The following MUC5AC variants were observed in gnomAD, a reference collection of about 807,000 sequenced individuals.
MUC5AC encodes mucin-5AC.
MUC5AC carries 158 observed loss-of-function variants against 169.7 expected under a neutral mutation model. That is an observed-to-expected ratio of 0.93 (90% CI 0.82 to 1.06). The LOEUF (loss-of-function observed/expected upper bound fraction) is 1.06, where lower values mean the gene tolerates loss of function less well. Ranked by LOEUF, MUC5AC falls within the 50% of genes least tolerant of loss-of-function variation. The pLI is 0.00. For synonymous variants in MUC5AC, 1,975 were observed against 1,237.0 expected, an observed-to-expected ratio of 1.60 and a Z score of -12.52; for missense variants, 4,359 against 3,089.9, an observed-to-expected ratio of 1.41 and a Z score of -9.74.
At position 1,189,930 on chromosome 11, in the gene MUC5AC, T is replaced by C; in HGVS notation, c.11785T>C (p.Ser3929Pro). 4 of 764,986 alleles carry C rather than the reference T, an allele frequency of 5.2e-6. No individual in the cohort carries two copies. Among genetic ancestry groups the C allele is most frequent in the Admixed American group, 1.7e-5 (1 of 59,008 alleles). The allele number at this position is 764,986 out of a possible 1,614,324, so 47.4% of individuals were successfully genotyped here. ...CCCCGTTCCCACCACCAGCACAGCC[T>C]CTGTTTCAAAGACCAGCACAAGCCA... ...PSPVPTTSTA[S>P]VSKTSTSHVS... The change falls in exon 31 of 49, where the codon TCT (serine) becomes CCT (proline). Residue 3929 changes from serine to proline, a missense_variant. Ser to Pro is a moderately conservative substitution (Grantham distance 74). Coordinates refer to ENST00000621226, the MANE Select transcript of MUC5AC (RefSeq NM_001304359.2).
intron 12 of MUC5AC, 127 bp from the exon 13 acceptor site, chr11:1,168,356 C>T: frequency 2.2e-6 from 2 of 889,804 alleles, no homozygotes; most frequent in Middle Eastern, 2.8e-4. Context: ...AGCACAAGGC[C>T]ACCTTGTAGG....
Position 1,191,144 on chromosome 11 carries a change from T to C in MUC5AC, c.12999T>C (p.Pro4333=), listed in dbSNP as rs1861086372. ...PVPTTSTTSA[P]ITSTTSGPGS... is the part of the protein sequence containing the mutation. ...CCACCACCAGCACAACCTCTGCTCC[T>C]ATAACCAGCACAACCTCTGGTCCTG... Residue 4333 remains proline, a synonymous_variant, in exon 31 of 49, where the codon CCT becomes CCC. Coordinates refer to ENST00000621226, the MANE Select transcript of MUC5AC (RefSeq NM_001304359.2). The C allele has an allele frequency of 1.4e-6, 1 of 698,480 alleles. No homozygotes were observed. Among genetic ancestry groups the C allele is most frequent in the South Asian group, 1.5e-5 (1 of 65,584 alleles). The allele number at this position is 698,480 out of a possible 1,614,324, so 43.3% of individuals were successfully genotyped here.
intron 11 of MUC5AC, among the ~76,000 whole-genome samples, chr11:1,166,495 T>C (rs1860338737): frequency 7.7e-6 from 1 of 130,686 alleles, no homozygotes; most frequent in African/African-American, 3.1e-5. Context: ...CTCTCCACGA[T>C]GAGACCCTGC....
Position 1,176,593 on chromosome 11 carries a change from A to C in MUC5AC, c.2582A>C (p.Glu861Ala), listed in dbSNP as rs958373646. The change falls in exon 21 of 49, where the codon GAG becomes GCG. Residue 861 changes from glutamate to alanine, a missense_variant. Glu to Ala is a moderately radical substitution (Grantham distance 107). Coordinates refer to ENST00000621226, the MANE Select transcript of MUC5AC (RefSeq NM_001304359.2). Reference sequence around the variant, plus strand: ...GGCGAGGGCGGCTGCATCACTGCGGAGGACTGCCCCTGCGTGCACAATGAG... The same window carrying C: ...GGCGAGGGCGGCTGCATCACTGCGGCGGACTGCCCCTGCGTGCACAATGAG... ...ADGEGGCITA[E>A]DCPCVHNEAS... is the part of the protein sequence containing the mutation. 1.3e-5 allele frequency: 5 copies of C among 399,480 alleles called. No individual in the cohort carries two copies. The highest frequency in any genetic ancestry group is 2.2e-5 in the Non-Finnish European group (5 of 226,840). 24.7% of individuals were successfully genotyped at this position (399,480 alleles called of 1,614,324 possible).
Position 1,197,640 on chromosome 11 carries a change from G to T in MUC5AC, c.16033+1G>T. 1 of 707,194 alleles carries T rather than the reference G, an allele frequency of 1.4e-6. No individual in the cohort carries two copies. Among genetic ancestry groups the T allele is most frequent in the South Asian group, 1.5e-5 (1 of 67,880 alleles). The allele number at this position is 707,194 out of a possible 1,614,324, so 43.8% of individuals were successfully genotyped here. On this transcript the variant is annotated splice_donor_variant, in intron 41 of 48. Coordinates refer to ENST00000621226, the MANE Select transcript of MUC5AC (RefSeq NM_001304359.2). LOFTEE classifies it high-confidence loss of function. ...CAGTGCTGCCCCCAGTACAGCTGCG[G>T]TAAGCCCTTTGCTGGGTGAGGGGCA... is the stretch of plus-strand genomic sequence containing the variant.
At chr11:1,194,814 A>T (rs1283675529) in intron 35 of MUC5AC, 144 bp downstream of exon 35, 11 of 609,506 alleles carry the variant, frequency 1.8e-5, no homozygotes, top group Non-Finnish European at 2.9e-5. Flanking sequence ...CATGAGGCTT[A>T]CGCCTGCCGG....
rs768974583 is a variant in MUC5AC at position 1,192,321 on chromosome 11, G to A, written c.14176G>A (p.Glu4726Lys). ...LNYEVRVLCC[E>K]TPRGCPVTSV... The stretch of plus-strand genomic sequence containing the variant: ...CTACGAGGTGCGCGTGCTCTGCTGC[G>A]AGACCCCCAGAGGCTGCCCGGTGAC... Residue 4726 changes from glutamate to lysine, a missense_variant, in exon 31 of 49, where the codon GAG becomes AAG. Physicochemically the swap from Glu to Lys is moderately conservative, Grantham distance 56. Transcript: ENST00000621226. 9 of 765,090 alleles carry A rather than the reference G, an allele frequency of 1.2e-5. No individual in the cohort carries two copies. The highest frequency in any genetic ancestry group is 2.3e-4 in the Middle Eastern group (1 of 4,440). The allele number at this position is 765,090 out of a possible 1,614,324, so 47.4% of individuals were successfully genotyped here. A position where few individuals can be genotyped will look rare whatever the true frequency, so the allele number is the denominator to read the frequency against.
chr11:1,164,512 C>T lies in MUC5AC; in HGVS notation c.1109C>T (p.Ala370Val), dbSNP rs561640374. 1 of 1,611,196 alleles carries T rather than the reference C, an allele frequency of 6.2e-7. No individual in the cohort carries two copies. The highest frequency in any genetic ancestry group is 8.5e-7 in the Non-Finnish European group (1 of 1,179,300). The change falls in exon 9 of 49, where the codon GCC becomes GTC. Residue 370 changes from alanine to valine, a missense_variant. Coordinates refer to ENST00000621226, the MANE Select transcript of MUC5AC (RefSeq NM_001304359.2). ...HSRACEDHCV[A>V]GCFCPEGTVL... ...CGGGCCTGTGAGGACCACTGTGTGG[C>T]CGGCTGCTTCTGCCCTGAGGGTGAG...
At chr11:1,158,119 A>T (rs1860014129) in intron 1 of MUC5AC, 47 bp downstream of exon 1, 1 of 1,516,462 alleles carries the variant, frequency 6.6e-7, no homozygotes, top group South Asian at 1.2e-5. Context: ...GTGGTGCGGT[A>T]CTGAGTGGGC....
Position 1,162,149 on chromosome 11 carries a change from G to A in MUC5AC, c.454G>A (p.Val152Ile), listed in dbSNP as rs768950562. 29 of 1,611,356 alleles carry A rather than the reference G, an allele frequency of 1.8e-5. No homozygotes were observed. The East Asian group carries it at 2.7e-4, about 15-fold the overall frequency. ...GVVIQLTKGS[V>I]LVNGHPVLLP... is the part of the protein sequence containing the mutation. ...GGTCATCCAGCTGACCAAGGGCTCC[G>A]TCCTGGTCAACGGCCACCCGTGAGT... Residue 152 changes from valine to isoleucine, a missense_variant, in exon 4 of 49, where the codon GTC becomes ATC. Transcript: ENST00000621226.
intron 16 of MUC5AC, 107 bp downstream of exon 16, chr11:1,172,630 C>T (rs1860574976): frequency 7.5e-6 from 3 of 398,028 alleles, no homozygotes; most frequent in African/African-American, 4.1e-5. Flanking sequence ...CAGGACTAAC[C>T]TTTCTAGGCT....
Position 1,181,308 on chromosome 11 carries a change from A to G in MUC5AC, c.3858A>G (p.Pro1286=), listed in dbSNP as rs1281479088. Residue 1286 remains proline, a synonymous_variant, in exon 30 of 49, where the codon CCA becomes CCG. Coordinates refer to ENST00000621226, the MANE Select transcript of MUC5AC (RefSeq NM_001304359.2). The stretch of plus-strand genomic sequence containing the variant: ...CCTACAATGGACAGCGCTTCCACCC[A>G]GGGGACGTCATCTACCACACGACGG... ...VCTYNGQRFH[P]GDVIYHTTDG... The G allele has an allele frequency of 5.0e-6, 2 of 398,406 alleles. No homozygotes were observed. The highest frequency in any genetic ancestry group is 8.8e-6 in the Non-Finnish European group (2 of 226,066). The allele number at this position is 398,406 out of a possible 1,614,324, so 24.7% of individuals were successfully genotyped here. A position where few individuals can be genotyped will look rare whatever the true frequency, so the allele number is the denominator to read the frequency against.
At position 1,192,891 on chromosome 11, in the gene MUC5AC, C is replaced by T. The variant is rs766248850; in HGVS notation, c.14489C>T (p.Thr4830Met). The T allele has an allele frequency of 3.5e-5, 27 of 764,478 alleles. No individual in the cohort carries two copies. The highest frequency in any genetic ancestry group is 9.7e-5 in the East Asian group (4 of 41,218). 47.4% of individuals were successfully genotyped at this position (764,478 alleles called of 1,614,324 possible). A position where few individuals can be genotyped will look rare whatever the true frequency, so the allele number is the denominator to read the frequency against. ...GTTGACAGTGACTGTCCGTCCACCA[C>T]GCTGCCTCCTGCCCCAGCCACGTCC... ...RGVDSDCPST[T>M]LPPAPATSPS... is the part of the protein sequence containing the mutation. The change falls in exon 32 of 49, where the codon ACG becomes ATG. Residue 4830 changes from threonine (T) to methionine (M), a missense_variant. Transcript: ENST00000621226.
chr11:1,160,896 G>T (rs930733677), intron 2 of MUC5AC, among the ~76,000 whole-genome samples: 1 of 152,224 alleles, frequency 6.6e-6, no homozygotes, highest in Non-Finnish European at 1.5e-5. Context: ...CCCCTGCAGC[G>T]CTTAGGCTCT....
In MUC5AC at chr11:1,187,583, C is replaced by A; in HGVS notation, c.9438C>A (p.Ala3146=). ...PTTSTTSAST[A]SKTSGPGTTP... is the part of the protein sequence containing the mutation. ...CCAGCACAACTTCTGCCTCTACAGCCAGCAAAACCTCTGGTCCTGGAACCA... is the reference window on the plus strand; with the variant it reads ...CCAGCACAACTTCTGCCTCTACAGCAAGCAAAACCTCTGGTCCTGGAACCA... Residue 3146 remains alanine, a synonymous_variant, in exon 31 of 49, where the codon GCC becomes GCA. Coordinates refer to ENST00000621226, the MANE Select transcript of MUC5AC (RefSeq NM_001304359.2). 1.3e-6 allele frequency: 1 copy of A among 758,680 alleles called. No homozygotes were observed. Among genetic ancestry groups the A allele is most frequent in the South Asian group, 1.4e-5 (1 of 73,774 alleles). The allele number at this position is 758,680 out of a possible 1,614,324, so 47.0% of individuals were successfully genotyped here.
rs189278121 is a variant in MUC5AC, at chr11:1,160,497, A to G, written c.74-115A>G. ...ACAGAGAGAGCCCTTGCCACGGGCC[A>G]CCCCCACGCACTGTGGCCTCCCGTC... On this transcript the variant is annotated intron_variant, in intron 1 of 48. Transcript: ENST00000621226. The G allele has an allele frequency of 1.5e-4, 127 of 821,060 alleles. 1 individual carries two copies. The African/African-American group carries it at 1.7e-3, about 11-fold the overall frequency. 50.9% of individuals were successfully genotyped at this position (821,060 alleles called of 1,614,324 possible). A position where few individuals can be genotyped will look rare whatever the true frequency, so the allele number is the denominator to read the frequency against.
At chr11:1,198,513 T>TGGCTCCGGGG (rs201738529) in intron 43 of MUC5AC, among the ~76,000 whole-genome samples, 3,570 of 151,586 alleles carry the variant, frequency 0.024, 67 homozygotes, top group Non-Finnish European at 0.031. Context: ...CTGGCCTGCC[T>TGGCTCCGGGG]GGCTCCGGGG....
chr11:1,184,622 G>A lies in MUC5AC; in HGVS notation c.6477G>A (p.Glu2159=). 6.3e-6 allele frequency: 4 copies of A among 633,074 alleles called. No homozygotes were observed. The highest frequency in any genetic ancestry group is 1.8e-5 in the South Asian group (1 of 55,224). 39.2% of individuals were successfully genotyped at this position (633,074 alleles called of 1,614,324 possible). A position where few individuals can be genotyped will look rare whatever the true frequency, so the allele number is the denominator to read the frequency against. ...SGEKICRRPE[E]ITRLQCRAKS... ...AAAAAATCTGCCGCCGACCTGAGGAGATCACCAGGCTCCAGTGCCGAGCCA... is the reference window on the plus strand; with the variant it reads ...AAAAAATCTGCCGCCGACCTGAGGAAATCACCAGGCTCCAGTGCCGAGCCA... The change falls in exon 31 of 49, where the codon GAG becomes GAA. Residue 2159 remains glutamate, a synonymous_variant. Coordinates refer to ENST00000621226, the MANE Select transcript of MUC5AC (RefSeq NM_001304359.2).
At chr11:1,158,815 AC>A (rs1860040472) in intron 1 of MUC5AC, among the ~76,000 whole-genome samples, 1 of 152,152 alleles carries the variant, frequency 6.6e-6, no homozygotes, top group South Asian at 2.1e-4. Context: ...CGAGACCGCC[AC>A]ATGGCCCACC....
Sources: gnomAD v4.1 joint callset for allele counts (sites outside exome capture counted in the v4.1 genomes callset) on GRCh38, gnomAD v4.1.1 for gene constraint, MANE v1.5 for transcripts, NCBI Gene and HGNC (gene_info 2026-07-23, HGNC 2026-07-21) for gene names.